The following NPNT variants were observed in gnomAD, a reference collection of about 807,000 sequenced individuals.
The protein encoded by NPNT is preosteoblast EGF-like repeat protein with MAM domain.
A neutral mutation model predicts 68.6 loss-of-function variants in NPNT; 45 were observed. That is an observed-to-expected ratio of 0.66 (90% CI 0.52 to 0.84). The LOEUF (loss-of-function observed/expected upper bound fraction) is 0.84, where lower values mean the gene tolerates loss of function less well. Ranked by LOEUF, NPNT falls within the 40% of genes least tolerant of loss-of-function variation. The probability of loss-of-function intolerance (pLI) is 0.00; values close to 1 mark genes in which losing one functional copy is unlikely to be tolerated. For synonymous variants in NPNT, 233 were observed against 253.3 expected, an observed-to-expected ratio of 0.92 and a Z score of 0.76; for missense variants, 672 against 714.8, an observed-to-expected ratio of 0.94 and a Z score of 0.68.
intron 2 of NPNT, among the ~76,000 whole-genome samples, chr4:105,906,682 T>C (rs1398665958): frequency 6.6e-6 from 1 of 152,202 alleles, no homozygotes; most frequent in African/African-American, 2.4e-5. Context: ...TTTAAGTCGA[T>C]ATATTTTGAA....
At chr4:105,957,229 AC>A (rs1731303078) in intron 8 of NPNT, among the ~76,000 whole-genome samples, 1 of 151,992 alleles carries the variant, frequency 6.6e-6, no homozygotes, top group African/African-American at 2.4e-5. Context: ...CCTAACTCTT[AC>A]CAAAATCTCA....
At chr4:105,918,885 C>T (rs574534319) in intron 2 of NPNT, among the ~76,000 whole-genome samples, 2 of 152,140 alleles carry the variant, frequency 1.3e-5, no homozygotes, top group South Asian at 4.2e-4. Flanking sequence ...TCCAATAAAC[C>T]TATGAGTAAG....
At position 105,935,779 on chromosome 4, in the gene NPNT, T is replaced by C. The variant is rs543919996; in HGVS notation, c.266-1230T>C. Among the ~76,000 whole-genome samples, 4 of 152,248 alleles carry C rather than the reference T, an allele frequency of 2.6e-5. No homozygotes were observed. The South Asian group carries it at 6.2e-4, about 24-fold the overall frequency. On this transcript the variant is annotated intron_variant, in intron 3 of 11. Coordinates refer to ENST00000379987, the MANE Select transcript of NPNT (RefSeq NM_001033047.3). The stretch of plus-strand genomic sequence containing the variant: ...TTGGAAAATCAGTAAGATATGAAAA[T>C]TTTTTTAGATGTAATAATTATTTGG...
Position 105,958,449 on chromosome 4 carries a change from ACTCAAAAC to A in NPNT, c.1160-19_1160-12del. 3 of 1,517,086 alleles carry A rather than the reference ACTCAAAAC, an allele frequency of 2.0e-6. No individual in the cohort carries two copies. The highest frequency in any genetic ancestry group is 2.7e-6 in the Non-Finnish European group (3 of 1,093,534). The allele number at this position is 1,517,086 out of a possible 1,614,324, so 94.0% of individuals were successfully genotyped here. The stretch of plus-strand genomic sequence containing the variant: ...ACTTCACACACACACACACACAAAA[ACTCAAAAC>A]CTTTCTCTTGCAGTTCCACGGCAAC... On this transcript the variant is annotated splice_polypyrimidine_tract_variant and intron_variant, in intron 8 of 11. Coordinates refer to ENST00000379987, the MANE Select transcript of NPNT (RefSeq NM_001033047.3).
At chr4:105,951,785 G>A (rs1015424324) in intron 8 of NPNT, among the ~76,000 whole-genome samples, 7 of 152,262 alleles carry the variant, frequency 4.6e-5, no homozygotes, top group East Asian at 1.9e-4. Flanking sequence ...TCTCCAAAAC[G>A]TATAAATGGG....
chr4:105,905,472 A>T (rs1014592872), intron 2 of NPNT, among the ~76,000 whole-genome samples: 6 of 152,200 alleles, frequency 3.9e-5, no homozygotes, highest in Non-Finnish European at 7.3e-5. Context: ...TAACATTTTC[A>T]AAATTTCCCT....
intron 3 of NPNT, among the ~76,000 whole-genome samples, chr4:105,935,018 T>C (rs1008095347): frequency 4.6e-5 from 7 of 152,310 alleles, no homozygotes; most frequent in Non-Finnish European, 8.8e-5. Flanking sequence ...TTCAGGGACA[T>C]AGTGTCTGAA....
chr4:105,949,640 T>C (rs571672332), intron 8 of NPNT, among the ~76,000 whole-genome samples: 96 of 152,316 alleles, frequency 6.3e-4, no homozygotes, highest in African/African-American at 2.2e-3. Context: ...AAAAACTTTC[T>C]GCAGAACCCA....
At chr4:105,968,121 T>C (rs1051714553) in intron 11 of NPNT, among the ~76,000 whole-genome samples, 8 of 152,222 alleles carry the variant, frequency 5.3e-5, no homozygotes, top group African/African-American at 1.9e-4. Flanking sequence ...CTGGTGCTTA[T>C]GAAACTTGCT....
chr4:105,932,709 C>T (rs1027331788), intron 3 of NPNT: 6 of 1,530,480 alleles, frequency 3.9e-6, no homozygotes, highest in East Asian at 2.4e-5. Context: ...AAGGGGTGAG[C>T]GTGCATTGTC....
In NPNT at chr4:105,927,373, C is replaced by G. The variant is rs760854138; in HGVS notation, c.210C>G (p.Ile70Met). Residue 70 changes from isoleucine to methionine, a missense_variant, in exon 3 of 12, where the codon ATC becomes ATG. Ile to Met is a conservative substitution (Grantham distance 10). Coordinates refer to ENST00000379987, the MANE Select transcript of NPNT (RefSeq NM_001033047.3). ...CQPRCKHGEC[I>M]GPNKCKCHPG... ...CACGATGCAAACATGGTGAATGTAT[C>G]GGGCCAAACAAGTGCAAGTGTCATC... 1.2e-6 allele frequency: 2 copies of G among 1,612,750 alleles called. No homozygotes were observed. The highest frequency in any genetic ancestry group is 1.7e-6 in the Non-Finnish European group (2 of 1,179,200).
intron 8 of NPNT, among the ~76,000 whole-genome samples, chr4:105,945,007 T>C (rs13103583): frequency 0.87 from 132,164 of 152,218 alleles, 57,984 homozygotes; most frequent in East Asian, 1. Context: ...AAATCATCCT[T>C]ATTCTCCGAG....
chr4:105,943,651 A>C (rs1317819171), intron 8 of NPNT, among the ~76,000 whole-genome samples: 1 of 152,162 alleles, frequency 6.6e-6, no homozygotes. Context: ...TCTGTTCCTC[A>C]TATTTATCTG....
At chr4:105,906,370 G>T (rs908765831) in intron 2 of NPNT, among the ~76,000 whole-genome samples, 26 of 152,216 alleles carry the variant, frequency 1.7e-4, no homozygotes, top group African/African-American at 6.3e-4. Flanking sequence ...CATGAAGCCA[G>T]TGGTGGTTTT....
chr4:105,916,039 A>G (rs889415194), intron 2 of NPNT, among the ~76,000 whole-genome samples: 2 of 152,180 alleles, frequency 1.3e-5, no homozygotes, highest in African/African-American at 4.8e-5. Context: ...TTGGCAAAGC[A>G]TTGTAAGCAA....
At chr4:105,968,733 AAG>A (rs1488076177) in intron 11 of NPNT, among the ~76,000 whole-genome samples, 160 bp from the exon 12 acceptor site, 2 of 152,246 alleles carry the variant, frequency 1.3e-5, no homozygotes, top group African/African-American at 4.8e-5. Flanking sequence ...TTTCTACTGA[AAG>A]AGAAGCTTCA....
At chr4:105,956,862 A>T (rs977163517) in intron 8 of NPNT, among the ~76,000 whole-genome samples, 1 of 152,150 alleles carries the variant, frequency 6.6e-6, no homozygotes, top group Admixed American at 6.5e-5. Context: ...GTATATTGCA[A>T]GTATGGATTA....
intron 2 of NPNT, among the ~76,000 whole-genome samples, chr4:105,903,765 T>C (rs1342437501): frequency 6.6e-6 from 1 of 151,784 alleles, no homozygotes; most frequent in Admixed American, 6.6e-5. Flanking sequence ...TGAAAGGTTT[T>C]ATTTATAGAC....
chr4:105,924,044 C>A (rs559597706), intron 2 of NPNT, among the ~76,000 whole-genome samples: 1 of 151,538 alleles, frequency 6.6e-6, no homozygotes, highest in South Asian at 2.1e-4. Context: ...GCTGCGCCCC[C>A]CCCCCACCAC....
Sources: allele counts gnomAD v4.1 joint callset (sites outside exome capture counted in the v4.1 genomes callset), GRCh38; gene constraint gnomAD v4.1.1; transcripts MANE v1.5; gene names NCBI Gene and HGNC (gene_info 2026-07-23, HGNC 2026-07-21).